Variants in CAST observed in about 807,000 individuals in gnomAD.
CAST encodes MIR583 host.
CAST carries 76 observed loss-of-function variants against 119.6 expected under a neutral mutation model. The ratio of observed to expected loss-of-function variants is 0.64; its 90% CI spans 0.53 to 0.77. CAST has a LOEUF of 0.77. Among genes scored for constraint, CAST ranks in the 30% least tolerant of loss-of-function variants. The pLI is 0.00. For synonymous variants in CAST, 319 were observed against 331.6 expected (o/e 0.96, Z 0.41); for missense variants, 953 against 946.5 (o/e 1.01, Z -0.09).
chr5:96,103,590 C>T, the CAST span, among the ~76,000 whole-genome samples: 1 of 151,006 alleles, frequency 6.6e-6, no homozygotes, highest in Non-Finnish European at 1.5e-5. Flanking sequence ...TTTCTTAATC[C>T]AGTCTATCAT....
rs1019943363 is a variant in CAST, at chr5:96,554,881, A to T, written c.60+25001A>T. ...CCATCTCACAGCAGTTAGAATTGGGATCATTAAAAAGTCAGGAAACAACAG... is the reference window on the plus strand; with the variant it reads ...CCATCTCACAGCAGTTAGAATTGGGTTCATTAAAAAGTCAGGAAACAACAG... On this transcript the variant is annotated intron_variant, in intron 1 of 11. Coordinates refer to the CAST transcript ENST00000505143. Among the ~76,000 whole-genome samples the T allele has an allele frequency of 2.0e-5, 3 of 152,230 alleles. No individual in the cohort carries two copies. The East Asian group carries it at 5.8e-4, about 29-fold the overall frequency.
chr5:96,309,976 G>T, the CAST span, among the ~76,000 whole-genome samples: 2 of 152,208 alleles, frequency 1.3e-5, no homozygotes, highest in African/African-American at 4.8e-5. Flanking sequence ...GAATGTAAGT[G>T]GTGAGAGTGA....
At chr5:96,429,522 G>A in the CAST span, among the ~76,000 whole-genome samples, 1 of 151,916 alleles carries the variant, frequency 6.6e-6, no homozygotes, top group African/African-American at 2.4e-5. Flanking sequence ...TGTGTCACGG[G>A]GTATTTTTGT....
chr5:96,046,276 G>C, the CAST span, among the ~76,000 whole-genome samples: 1 of 152,112 alleles, frequency 6.6e-6, no homozygotes, highest in Admixed American at 6.5e-5. Flanking sequence ...AGTGAGTAGG[G>C]AGAAGAATGG....
chr5:96,015,506 T>A, the CAST span, among the ~76,000 whole-genome samples: 1 of 152,168 alleles, frequency 6.6e-6, no homozygotes, highest in Non-Finnish European at 1.5e-5. Context: ...CAATTTTTTT[T>A]AATCACCTAT....
the CAST span, among the ~76,000 whole-genome samples, chr5:96,371,956 T>C: frequency 6.6e-6 from 1 of 152,246 alleles, no homozygotes. Flanking sequence ...TAGCTCACTT[T>C]CTGATTTTTC....
chr5:96,550,054 A>C (rs566954629), intron 1 of CAST, among the ~76,000 whole-genome samples: 6 of 152,366 alleles, frequency 3.9e-5, no homozygotes, highest in African/African-American at 1.4e-4. Context: ...AGAGAGCAGT[A>C]GTTCTCCCAG....
At chr5:96,365,320 T>A in the CAST span, among the ~76,000 whole-genome samples, 3 of 152,210 alleles carry the variant, frequency 2.0e-5, no homozygotes, top group Non-Finnish European at 4.4e-5. Context: ...GGTGAAGAGT[T>A]CTGTAGATGT....
chr5:96,392,864 A>T, the CAST span: 1 of 859,558 alleles, frequency 1.2e-6, no homozygotes, highest in Non-Finnish European at 1.9e-6. Flanking sequence ...TGTACAGTTT[A>T]GGGAGAAAAA....
intron 24 of CAST, among the ~76,000 whole-genome samples, chr5:96,760,561 T>A (rs1046512692): frequency 4.6e-5 from 7 of 151,804 alleles, no homozygotes; most frequent in Admixed American, 1.3e-4. Flanking sequence ...ATGAAAAAAA[T>A]GACAAACATT....
At chr5:96,521,396 C>T (rs1286257632), upstream of CAST, among the ~76,000 whole-genome samples, 8 of 152,218 alleles carry the variant, frequency 5.3e-5, no homozygotes, top group African/African-American at 1.9e-4. Flanking sequence ...GCTCCAGGCA[C>T]ACCAAACTCT....
chr5:96,094,723 A>G, the CAST span, among the ~76,000 whole-genome samples: 1 of 152,184 alleles, frequency 6.6e-6, no homozygotes, highest in African/African-American at 2.4e-5. Flanking sequence ...TCCTCACTCT[A>G]CTGTGAAGAG....
chr5:96,189,766 T>C, the CAST span, among the ~76,000 whole-genome samples: 1 of 152,202 alleles, frequency 6.6e-6, no homozygotes, highest in South Asian at 2.1e-4. Flanking sequence ...GAAAAAACTT[T>C]TAACAGCTAG....
intron 1 of CAST, among the ~76,000 whole-genome samples, chr5:96,582,498 A>G (rs1354355304): frequency 6.6e-6 from 1 of 152,222 alleles, no homozygotes; most frequent in African/African-American, 2.4e-5. Context: ...GAGCATATGG[A>G]TAAGTGACTC....
the CAST span, among the ~76,000 whole-genome samples, chr5:96,116,923 A>C: frequency 3.3e-5 from 5 of 152,150 alleles, no homozygotes; most frequent in Non-Finnish European, 5.9e-5. Flanking sequence ...GGGTTTTATT[A>C]TGCATAGAAG....
chr5:96,562,901 GA>G (rs2150185189), intron 1 of CAST, among the ~76,000 whole-genome samples: 1 of 152,294 alleles, frequency 6.6e-6, no homozygotes, highest in South Asian at 2.1e-4. Context: ...AGGAATTTGA[GA>G]AAACAGCAGA....
At chr5:96,617,105 G>A (rs1325224738) in intron 1 of CAST, among the ~76,000 whole-genome samples, 2 of 152,144 alleles carry the variant, frequency 1.3e-5, no homozygotes, top group African/African-American at 4.8e-5. Flanking sequence ...ATAAAATAAA[G>A]ACACCTTTTA....
At chr5:96,243,304 A>G in the CAST span, among the ~76,000 whole-genome samples, 8 of 135,000 alleles carry the variant, frequency 5.9e-5, no homozygotes, top group African/African-American at 9.0e-5. Flanking sequence ...GCAAATCAAT[A>G]GAGAATTTTT....
the CAST span, among the ~76,000 whole-genome samples, chr5:96,157,730 T>C: frequency 1.3e-5 from 2 of 152,258 alleles, no homozygotes; most frequent in African/African-American, 4.8e-5. Flanking sequence ...TGCATTATTT[T>C]AAAAATCTTT....
Sources: allele counts gnomAD v4.1 joint callset (sites outside exome capture counted in the v4.1 genomes callset), GRCh38; gene constraint gnomAD v4.1.1; transcripts MANE v1.5; gene names NCBI Gene and HGNC (gene_info 2026-07-23, HGNC 2026-07-21).